Variants in NPAS4 observed in about 807,000 individuals in gnomAD.
The protein encoded by NPAS4 is neuronal PAS domain-containing protein 4.
Under a neutral mutation model 64.0 loss-of-function variants are expected in NPAS4, and 10 were observed. That is an observed-to-expected ratio of 0.16 (90% CI 0.10 to 0.26). The LOEUF is 0.26. Among genes scored for constraint, NPAS4 ranks in the 10% least tolerant of loss-of-function variants. The pLI is 1.00. For synonymous variants in NPAS4, 441 were observed against 411.7 expected (o/e 1.07, Z -0.86); for missense variants, 886 against 992.6 (o/e 0.89, Z 1.44).
chr11:66,421,297 C>G lies in NPAS4; in HGVS notation c.118C>G (p.Leu40Val). 1 of 1,614,022 alleles carries G rather than the reference C, an allele frequency of 6.2e-7. No homozygotes were observed. The highest frequency in any genetic ancestry group is 8.5e-7 in the Non-Finnish European group (1 of 1,179,956). Residue 40 changes from leucine to valine, a missense_variant, in exon 1 of 8, where the codon CTG becomes GTG. Physicochemically the swap from Leu to Val is conservative, Grantham distance 32. Transcript: ENST00000311034. The part of the protein sequence containing the change: ...AEADKVRLSY[L>V]HIMSLACIYT... ...AGCGGACAAGGTCCGGCTGTCCTAC[C>G]TGCACATCATGAGCCTCGCCTGCAT... is the stretch of plus-strand genomic sequence containing the variant.
At chr11:66,422,326 C>A (rs1487935901) in intron 2 of NPAS4, 55 bp downstream of exon 2, 4 of 1,568,514 alleles carry the variant, frequency 2.6e-6, no homozygotes, top group African/African-American at 1.3e-5. Context: ...GTGCCGTGAG[C>A]CTTCCACTCC....
chr11:66,424,732 C>A lies in NPAS4; in HGVS notation c.1842C>A (p.Ala614=). ...CCGAAGGCCTGCTCACACCTGAGGCCTCTCCAGTCAAGCAGAGTTTCTTCC... is the reference window on the plus strand; with the variant it reads ...CCGAAGGCCTGCTCACACCTGAGGCATCTCCAGTCAAGCAGAGTTTCTTCC... ...LVPEGLLTPE[A]SPVKQSFFHY... is the part of the protein sequence containing the mutation. The change falls in exon 7 of 8, where the codon GCC becomes GCA. Residue 614 remains alanine, a synonymous_variant. Transcript: ENST00000311034. 6.2e-7 allele frequency: 1 copy of A among 1,613,722 alleles called. No homozygotes were observed. Among genetic ancestry groups the A allele is most frequent in the Non-Finnish European group, 8.5e-7 (1 of 1,179,834 alleles).
Position 66,424,931 on chromosome 11 carries a change from G to A in NPAS4, c.2041G>A (p.Val681Met). The A allele has an allele frequency of 6.2e-7, 1 of 1,614,042 alleles. No homozygotes were observed. ...NLSLSGAGPP[V>M]LSLDLKPWKC... ...GTCCCTGTCAGGGGCAGGCCCCCCTGTGCTCAGCCTGGACCTGAAACCCTG... is the reference window on the plus strand; with the variant it reads ...GTCCCTGTCAGGGGCAGGCCCCCCTATGCTCAGCCTGGACCTGAAACCCTG... Residue 681 changes from valine (V) to methionine (M), a missense_variant, in exon 7 of 8, where the codon GTG becomes ATG. Physicochemically the swap from Val to Met is conservative, Grantham distance 21. This residue lies in a region of NPAS4 where 820 missense variants were observed against 855.5 expected (regional missense o/e 0.96). Transcript: ENST00000311034.
At chr11:66,420,327 G>T (rs1240740661), upstream of NPAS4, among the ~76,000 whole-genome samples, 2 of 152,360 alleles carry the variant, frequency 1.3e-5, no homozygotes, top group East Asian at 3.9e-4. Context: ...AAATTCAGCT[G>T]GTCCCTTTCC....
chr11:66,423,440 G>A (rs1856785000), intron 5 of NPAS4, 138 bp from the exon 6 acceptor site: 1 of 1,023,558 alleles, frequency 9.8e-7, no homozygotes, highest in Admixed American at 1.9e-5. Context: ...TCAAGGTAGA[G>A]AGCTGAGTGG....
upstream of NPAS4, among the ~76,000 whole-genome samples, chr11:66,417,327 A>T (rs568073697): frequency 6.6e-6 from 1 of 150,782 alleles, no homozygotes; most frequent in African/African-American, 2.4e-5. Flanking sequence ...GCCTGTGCCC[A>T]CACCAGGAAT....
chr11:66,414,270 C>G, the NPAS4 span, among the ~76,000 whole-genome samples: 1 of 152,154 alleles, frequency 6.6e-6, no homozygotes, highest in Non-Finnish European at 1.5e-5. Flanking sequence ...CTCCCCAGGG[C>G]AGGTCAAGAG....
At position 66,422,205 on chromosome 11, in the gene NPAS4, G is replaced by A. The variant is rs1460106247; in HGVS notation, c.261G>A (p.Val87=). 4.3e-6 allele frequency: 7 copies of A among 1,613,948 alleles called. No individual in the cohort carries two copies. Among genetic ancestry groups the A allele is most frequent in the Non-Finnish European group, 4.2e-6 (5 of 1,180,012 alleles). ...CGGCACTACCCGGCTTTCTGCTTGT[G>A]TTCACAGCCGAGGGGAAATTGCTCT... ...IVAALPGFLL[V]FTAEGKLLYL... The change falls in exon 2 of 8, where the codon GTG becomes GTA. Residue 87 remains valine, a synonymous_variant. Coordinates refer to ENST00000311034, the MANE Select transcript of NPAS4 (RefSeq NM_178864.4).
At chr11:66,419,225 C>T (rs144206912), upstream of NPAS4, among the ~76,000 whole-genome samples, 12 of 152,232 alleles carry the variant, frequency 7.9e-5, no homozygotes, top group African/African-American at 2.9e-4. Flanking sequence ...GACAGATAAG[C>T]GGACATCGTT....
chr11:66,420,965 C>G (rs1199334404), upstream of NPAS4: 27 of 527,628 alleles, frequency 5.1e-5, no homozygotes, highest in East Asian at 7.0e-4. Flanking sequence ...GCTCTCCCGC[C>G]CCCCCGGCTC....
In NPAS4 at chr11:66,422,957, T is replaced by C; in HGVS notation, c.698+16T>C. 1 of 1,599,450 alleles carries C rather than the reference T, an allele frequency of 6.3e-7. No homozygotes were observed. The highest frequency in any genetic ancestry group is 8.5e-7 in the Non-Finnish European group (1 of 1,177,524). ...TCTCCGAGAGGTAAGCCTGGAGTGT[T>C]CAGATTCCAAGAGAAAGGCAGGCCA... is the stretch of plus-strand genomic sequence containing the variant. On this transcript the variant is annotated intron_variant, in intron 4 of 7. Coordinates refer to ENST00000311034, the MANE Select transcript of NPAS4 (RefSeq NM_178864.4).
At chr11:66,422,360 A>G in intron 2 of NPAS4, 89 bp downstream of exon 2, 2 of 1,496,630 alleles carry the variant, frequency 1.3e-6, no homozygotes, top group Non-Finnish European at 9.3e-7. Flanking sequence ...ATTACTATGG[A>G]GGGAGAGGTT....
At chr11:66,412,690 A>G in the NPAS4 span, among the ~76,000 whole-genome samples, 1 of 152,192 alleles carries the variant, frequency 6.6e-6, no homozygotes, top group African/African-American at 2.4e-5. Context: ...GGGTGCCATC[A>G]TTCTCCCCAC....
intron 2 of NPAS4, 36 bp from the exon 3 acceptor site, chr11:66,422,415 C>T (rs1374426400): frequency 2.0e-6 from 3 of 1,528,842 alleles, no homozygotes; most frequent in Admixed American, 3.3e-5. Context: ...TCCTGCTGTT[C>T]TCCCTAATGG....
At position 66,423,619 on chromosome 11, in the gene NPAS4, C is replaced by G; in HGVS notation, c.850C>G (p.Leu284Val). The G allele has an allele frequency of 6.2e-7, 1 of 1,614,112 alleles. No individual in the cohort carries two copies. The highest frequency in any genetic ancestry group is 8.5e-7 in the Non-Finnish European group (1 of 1,180,002). ...GDIQAEMVVR[L>V]QAKTGGWAWI... ...TATTCAGGCAGAGATGGTGGTGAGG[C>G]TACAGGCCAAGACTGGAGGCTGGGC... The change falls in exon 6 of 8, where the codon CTA becomes GTA. Residue 284 changes from leucine (L) to valine (V), a missense_variant. Around this residue, in one of 3 missense-constraint regions of NPAS4, gnomAD observed 820 missense variants for 855.5 expected, o/e 0.96. Transcript: ENST00000311034.
chr11:66,420,958 C>G (rs1051334486), upstream of NPAS4: 4 of 524,806 alleles, frequency 7.6e-6, no homozygotes, highest in East Asian at 1.2e-4. Flanking sequence ...GCCTCCCGCT[C>G]TCCCGCCCCC....
chr11:66,409,762 C>G, the NPAS4 span: 4 of 152,372 alleles, frequency 2.6e-5, no homozygotes, highest in African/African-American at 7.2e-5. Flanking sequence ...TATGGTTGAG[C>G]ATAGCCAGCC....
At chr11:66,420,241 G>A (rs538085493), upstream of NPAS4, among the ~76,000 whole-genome samples, 1 of 152,364 alleles carries the variant, frequency 6.6e-6, no homozygotes, top group Non-Finnish European at 1.5e-5. Flanking sequence ...AGCTGAGAGG[G>A]AAACCACGAA....
chr11:66,412,491 T>C, the NPAS4 span, among the ~76,000 whole-genome samples: 36 of 152,374 alleles, frequency 2.4e-4, no homozygotes, highest in East Asian at 4.6e-3. Flanking sequence ...TGCCAGGACA[T>C]GTGCTGCCTC....
Sources: allele counts gnomAD v4.1 joint callset (sites outside exome capture counted in the v4.1 genomes callset), GRCh38; gene constraint gnomAD v4.1.1; regional missense constraint gnomAD v4.1.1; transcripts MANE v1.5; gene names NCBI Gene and HGNC (gene_info 2026-07-23, HGNC 2026-07-21).